ARHGEF12: variants seen among roughly 807,000 people sequenced by gnomAD.
ARHGEF12 encodes the protein Rho guanine nucleotide exchange factor 12.
A neutral mutation model predicts 211.2 loss-of-function variants in ARHGEF12; 66 were observed. That is an observed-to-expected ratio of 0.31 (90% confidence interval 0.26 to 0.38). ARHGEF12 has a LOEUF of 0.38. Ranked by LOEUF, ARHGEF12 falls within the 10% of genes least tolerant of loss-of-function variation. ARHGEF12 has a pLI of 1.00. For missense variants in ARHGEF12, 1,429 were observed against 1,869.5 expected (o/e 0.76, Z 4.34); for synonymous variants, 592 against 638.4 (o/e 0.93, Z 1.09).
intron 1 of ARHGEF12, among the ~76,000 whole-genome samples, chr11:120,355,828 T>C (rs1355754706): frequency 6.6e-6 from 1 of 152,246 alleles, no homozygotes; most frequent in African/African-American, 2.4e-5. Context: ...TTATTTAATC[T>C]ATTTTAAGAT....
At chr11:120,428,047 T>C in intron 7 of ARHGEF12, 22 bp from the exon 8 acceptor site, 1 of 1,521,282 alleles carries the variant, frequency 6.6e-7, no homozygotes, top group Non-Finnish European at 8.8e-7. Context: ...TCCCTTCCCT[T>C]TTTCCGTCTC....
At position 120,481,512 on chromosome 11, in the gene ARHGEF12, C is replaced by A; in HGVS notation, c.4490C>A (p.Ala1497Glu). 1.2e-6 allele frequency: 2 copies of A among 1,614,184 alleles called. No homozygotes were observed. Among genetic ancestry groups the A allele is most frequent in the Non-Finnish European group, 1.7e-6 (2 of 1,180,032 alleles). ...GAGATCCAGAGTCCCTCCTCTTGTG[C>A]AGATTCACAGAGCCAGATCATGGAG... is the stretch of plus-strand genomic sequence containing the variant. The part of the protein sequence containing the change: ...CFEIQSPSSC[A>E]DSQSQIMEYI... The change falls in exon 39 of 41, where the codon GCA (alanine) becomes GAA (glutamate). Residue 1497 changes from alanine (A) to glutamate (E), a missense_variant. Coordinates refer to ENST00000397843, the MANE Select transcript of ARHGEF12 (RefSeq NM_015313.3).
chr11:120,437,969 G>A (rs1945746423), intron 12 of ARHGEF12, among the ~76,000 whole-genome samples: 1 of 152,116 alleles, frequency 6.6e-6, no homozygotes, highest in Non-Finnish European at 1.5e-5. Flanking sequence ...TTGTTTATCT[G>A]TCCGTTTGTC....
chr11:120,427,416 A>G (rs950359157), intron 7 of ARHGEF12, among the ~76,000 whole-genome samples: 1 of 152,118 alleles, frequency 6.6e-6, no homozygotes, highest in Non-Finnish European at 1.5e-5. Context: ...AAATATGAAG[A>G]TCTAGGCCAG....
chr11:120,405,758 TTC>T (rs1418112589), intron 1 of ARHGEF12, among the ~76,000 whole-genome samples: 1 of 152,168 alleles, frequency 6.6e-6, no homozygotes, highest in Non-Finnish European at 1.5e-5. Flanking sequence ...AGTATATCTC[TTC>T]ATAGAGATTT....
In ARHGEF12 at chr11:120,474,184, T is replaced by C. The variant is rs1946958024; in HGVS notation, c.3034-376T>C. 2.6e-5 allele frequency among the ~76,000 whole-genome samples: 4 copies of C among 152,240 alleles called. No individual in the cohort carries two copies. In the South Asian group the frequency reaches 8.3e-4, roughly 31 times the overall value. On this transcript the variant is annotated intron_variant, in intron 31 of 40. Coordinates refer to ENST00000397843, the MANE Select transcript of ARHGEF12 (RefSeq NM_015313.3). ...GAGCCTTGGAACTCAGAAGCCACTT[T>C]CTTATAGACAAGCATATGTACCATG... is the stretch of plus-strand genomic sequence containing the variant.
intron 26 of ARHGEF12, among the ~76,000 whole-genome samples, chr11:120,460,393 A>G (rs1365732281): frequency 3.3e-5 from 5 of 152,210 alleles, no homozygotes; most frequent in Non-Finnish European, 5.9e-5. Flanking sequence ...ATGATTATAG[A>G]TGGAGTCTTG....
rs541688108 is a variant in ARHGEF12 at position 120,479,993 on chromosome 11, T to C, written c.3800T>C (p.Leu1267Pro). 5 of 1,613,920 alleles carry C rather than the reference T, an allele frequency of 3.1e-6. No individual in the cohort carries two copies. The African/African-American group carries it at 6.7e-5, about 22-fold the overall frequency. The change falls in exon 38 of 41, where the codon CTA becomes CCA. Residue 1267 changes from leucine (L) to proline (P), a missense_variant. By Grantham distance (98) the Leu-to-Pro change is moderately conservative. Transcript: ENST00000397843. Reference sequence around the variant, plus strand: ...TTGAAGCAGTTGCTGGTGCAACAGCTAGGTTTGACTGAGAAGAGCGTTCAG... The same window carrying C: ...TTGAAGCAGTTGCTGGTGCAACAGCCAGGTTTGACTGAGAAGAGCGTTCAG... ...GLLKQLLVQQ[L>P]GLTEKSVQED...
intron 1 of ARHGEF12, among the ~76,000 whole-genome samples, chr11:120,393,470 A>G (rs985519802): frequency 6.6e-6 from 1 of 152,190 alleles, no homozygotes; most frequent in Non-Finnish European, 1.5e-5. Flanking sequence ...GTTTAAAAGT[A>G]AAAGGATGGA....
At chr11:120,478,732 T>C (rs562129687) in intron 37 of ARHGEF12, among the ~76,000 whole-genome samples, 11 of 152,306 alleles carry the variant, frequency 7.2e-5, no homozygotes, top group African/African-American at 2.6e-4. Flanking sequence ...AAGATTAATC[T>C]GGCTGAAAGC....
At chr11:120,358,786 T>C (rs1408527168) in intron 1 of ARHGEF12, among the ~76,000 whole-genome samples, 2 of 152,126 alleles carry the variant, frequency 1.3e-5, no homozygotes, top group African/African-American at 2.4e-5. Context: ...TGCCAAACAT[T>C]TATCAACGCA....
Position 120,440,315 on chromosome 11 carries a change from A to G in ARHGEF12, c.1092+94A>G, listed in dbSNP as rs1220000636. The G allele has an allele frequency of 2.9e-6, 3 of 1,022,574 alleles. No individual in the cohort carries two copies. The East Asian group carries it at 7.4e-5, about 25-fold the overall frequency. The allele number at this position is 1,022,574 out of a possible 1,614,324, so 63.3% of individuals were successfully genotyped here. ...AGCACGTTCTGGAGATTAAGATAAC[A>G]TTTGTAAGGATTTGAAGCTAAATCT... On this transcript the variant is annotated intron_variant, in intron 13 of 40. Transcript: ENST00000397843.
chr11:120,424,067 G>A (rs960726922), intron 6 of ARHGEF12, among the ~76,000 whole-genome samples: 1 of 151,966 alleles, frequency 6.6e-6, no homozygotes, highest in African/African-American at 2.4e-5. Flanking sequence ...GCCCTTCACC[G>A]TGAACGATTT....
At chr11:120,351,364 A>AAAAAAAG (rs1942937045) in intron 1 of ARHGEF12, among the ~76,000 whole-genome samples, 1 of 122,088 alleles carries the variant, frequency 8.2e-6, no homozygotes, top group African/African-American at 2.9e-5. Context: ...AAAAAAAAAA[A>AAAAAAAG]GGTGAAATTT....
chr11:120,440,117 G>C lies in ARHGEF12; in HGVS notation c.1000-12G>C, dbSNP rs1346338954. 4 of 1,595,594 alleles carry C rather than the reference G, an allele frequency of 2.5e-6. No individual in the cohort carries two copies. Among genetic ancestry groups the C allele is most frequent in the Non-Finnish European group, 3.4e-6 (4 of 1,169,370 alleles). On this transcript the variant is annotated splice_polypyrimidine_tract_variant and intron_variant, in intron 12 of 40. Coordinates refer to ENST00000397843, the MANE Select transcript of ARHGEF12 (RefSeq NM_015313.3). Reference sequence around the variant, plus strand: ...GGTAATTTTTCTGTTTCTTTTCCCTGAATGTTGCCAGGACACTCAATCACT... The same window carrying C: ...GGTAATTTTTCTGTTTCTTTTCCCTCAATGTTGCCAGGACACTCAATCACT...
Position 120,429,291 on chromosome 11 carries a change from G to A in ARHGEF12, c.586-149G>A. On this transcript the variant is annotated intron_variant, in intron 8 of 40. Coordinates refer to ENST00000397843, the MANE Select transcript of ARHGEF12 (RefSeq NM_015313.3). ...TTTCTTGTAAGTGTCATGTCTGAAAGCCTGTCCACATAACCCGGAAGTAAA... is the reference window on the plus strand; with the variant it reads ...TTTCTTGTAAGTGTCATGTCTGAAAACCTGTCCACATAACCCGGAAGTAAA... 3 of 570,468 alleles carry A rather than the reference G, an allele frequency of 5.3e-6. No homozygotes were observed. The East Asian group carries it at 9.0e-5, about 17-fold the overall frequency. The allele number at this position is 570,468 out of a possible 1,614,324, so 35.3% of individuals were successfully genotyped here.
intron 1 of ARHGEF12, among the ~76,000 whole-genome samples, chr11:120,369,500 C>T (rs545496403): frequency 6.6e-6 from 1 of 152,174 alleles, no homozygotes; most frequent in East Asian, 1.9e-4. Flanking sequence ...AGAACTGGTG[C>T]TTATTGGTAA....
At chr11:120,346,034 A>G (rs1212401740) in intron 1 of ARHGEF12, among the ~76,000 whole-genome samples, 1 of 152,190 alleles carries the variant, frequency 6.6e-6, no homozygotes, top group East Asian at 1.9e-4. Flanking sequence ...AATTCAAATC[A>G]TATAAAATGG....
intron 29 of ARHGEF12, 143 bp downstream of exon 29, chr11:120,467,451 T>C (rs1257667463): frequency 5.5e-6 from 3 of 546,518 alleles, no homozygotes; most frequent in East Asian, 3.3e-5. Flanking sequence ...TTTTTTTTTT[T>C]TCCTTTTTTG....
Sources: gnomAD v4.1 joint callset for allele counts (sites outside exome capture counted in the v4.1 genomes callset) on GRCh38, gnomAD v4.1.1 for gene constraint, MANE v1.5 for transcripts, NCBI Gene and HGNC (gene_info 2026-07-23, HGNC 2026-07-21) for gene names.